ZNF804A: variants seen among roughly 807,000 people sequenced by gnomAD.
ZNF804A encodes zinc finger protein 804A.
In ZNF804A, 2 loss-of-function variants were observed where a neutral mutation model predicts 16.5. The ratio of observed to expected loss-of-function variants is 0.12; its 90% CI spans 0.05 to 0.38. ZNF804A has a LOEUF of 0.38. ZNF804A is among the 10% of genes least tolerant of loss of function. The pLI is 0.99. For synonymous variants in ZNF804A, 534 were observed against 489.6 expected, an observed-to-expected ratio of 1.09 and a Z score of -1.20; for missense variants, 1,473 against 1,390.7, an observed-to-expected ratio of 1.06 and a Z score of -0.94.
At position 184,886,936 on chromosome 2, in the gene ZNF804A, T is replaced by A. The variant is rs569027722; in HGVS notation, c.255+20424T>A. Among the ~76,000 whole-genome samples the A allele has an allele frequency of 2.6e-5, 4 of 152,346 alleles. No homozygotes were observed. In the East Asian group the frequency reaches 7.7e-4, roughly 29 times the overall value. On this transcript the variant is annotated intron_variant, in intron 2 of 3. Coordinates refer to ENST00000302277, the MANE Select transcript of ZNF804A (RefSeq NM_194250.2). ...TTCCCCATGGTTTTTGGGATTAACATCAGGTTCTTTGCTACTTAAACAAAT... is the reference window on the plus strand; with the variant it reads ...TTCCCCATGGTTTTTGGGATTAACAACAGGTTCTTTGCTACTTAAACAAAT...
chr2:184,750,563 G>T (rs984188885), intron 1 of ZNF804A, among the ~76,000 whole-genome samples: 9 of 151,140 alleles, frequency 6.0e-5, no homozygotes, highest in African/African-American at 2.2e-4. Context: ...TATACAACTT[G>T]GTGAGTTTGG....
chr2:184,613,370 A>T (rs1691269207), intron 1 of ZNF804A, among the ~76,000 whole-genome samples: 2 of 152,290 alleles, frequency 1.3e-5, no homozygotes, highest in South Asian at 4.1e-4. Flanking sequence ...GCCTGTCTGA[A>T]TGTTTGTTTC....
chr2:184,622,391 TA>T (rs11364093), intron 1 of ZNF804A, among the ~76,000 whole-genome samples: 85,084 of 151,448 alleles, frequency 0.56, 24,917 homozygotes, highest in African/African-American at 0.69. Context: ...AATTTGAACT[TA>T]ACAATGTTCT....
chr2:184,775,541 C>A (rs1207314428), intron 1 of ZNF804A, among the ~76,000 whole-genome samples: 2 of 151,768 alleles, frequency 1.3e-5, no homozygotes, highest in African/African-American at 4.8e-5. Flanking sequence ...ACATGAATGT[C>A]ATATCATCAT....
At chr2:184,622,014 A>G (rs1341515151) in intron 1 of ZNF804A, among the ~76,000 whole-genome samples, 3 of 151,784 alleles carry the variant, frequency 2.0e-5, no homozygotes, top group East Asian at 1.9e-4. Context: ...ACTGTTCTGT[A>G]TACATTTCCA....
intron 1 of ZNF804A, among the ~76,000 whole-genome samples, chr2:184,761,697 C>G (rs1182891852): frequency 6.6e-6 from 1 of 152,002 alleles, no homozygotes; most frequent in East Asian, 1.9e-4. Context: ...CAGATATCAC[C>G]ACAGATGTGC....
chr2:184,813,553 CA>C (rs1165281113), intron 1 of ZNF804A, among the ~76,000 whole-genome samples: 3 of 152,020 alleles, frequency 2.0e-5, no homozygotes, highest in African/African-American at 4.8e-5. Flanking sequence ...GTAACAGTAT[CA>C]GGGGCAGAAT....
chr2:184,725,423 A>G (rs1405605602), intron 1 of ZNF804A, among the ~76,000 whole-genome samples: 1 of 151,776 alleles, frequency 6.6e-6, no homozygotes, highest in Non-Finnish European at 1.5e-5. Context: ...ATATAAAATA[A>G]TATGACTCTA....
intron 1 of ZNF804A, among the ~76,000 whole-genome samples, chr2:184,632,009 A>G (rs2105687188): frequency 6.6e-6 from 1 of 152,302 alleles, no homozygotes; most frequent in Admixed American, 6.5e-5. Context: ...AAATATAGAT[A>G]CAAACACTCA....
At chr2:184,679,674 C>A (rs1692505103) in intron 1 of ZNF804A, among the ~76,000 whole-genome samples, 1 of 152,196 alleles carries the variant, frequency 6.6e-6, no homozygotes. Context: ...AGTGTGCACT[C>A]ACTTGGGGCA....
chr2:184,824,818 C>A (rs781511432), intron 1 of ZNF804A, among the ~76,000 whole-genome samples: 1 of 152,064 alleles, frequency 6.6e-6, no homozygotes, highest in Non-Finnish European at 1.5e-5. Context: ...CTGGGACTGG[C>A]AGCCAGGACT....
Position 184,937,393 on chromosome 2 carries a change from C to A in ZNF804A, c.1997C>A (p.Ser666Tyr). 4 of 1,613,238 alleles carry A rather than the reference C, an allele frequency of 2.5e-6. No homozygotes were observed. Among genetic ancestry groups the A allele is most frequent in the South Asian group, 1.1e-5 (1 of 91,030 alleles). ...AAAAGGCCCAAATCAGAATCCATAT[C>A]CTTAAGTGACAATGAAGAAATGTGT... The part of the protein sequence containing the change: ...LDKRPKSESI[S>Y]LSDNEEMCKT... Residue 666 changes from serine to tyrosine, a missense_variant, in exon 4 of 4, where the codon TCC becomes TAC. Transcript: ENST00000302277.
intron 1 of ZNF804A, among the ~76,000 whole-genome samples, chr2:184,775,160 T>C (rs143175987): frequency 9.3e-4 from 141 of 151,870 alleles, no homozygotes; most frequent in African/African-American, 3.3e-3. Context: ...ATTTCCTCAA[T>C]AGTCTTTAAA....
chr2:184,910,973 T>C lies in ZNF804A; in HGVS notation c.256-22630T>C, dbSNP rs1685346855. 2.0e-5 allele frequency among the ~76,000 whole-genome samples: 3 copies of C among 152,082 alleles called. No homozygotes were observed. In the South Asian group the frequency reaches 6.2e-4, roughly 31 times the overall value. ...TTTCTTTTGATGTGCAGAAGCTCTTTATTTTAATTAGGTCCACTTGTCAAT... is the reference window on the plus strand; with the variant it reads ...TTTCTTTTGATGTGCAGAAGCTCTTCATTTTAATTAGGTCCACTTGTCAAT... On this transcript the variant is annotated intron_variant, in intron 2 of 3. Transcript: ENST00000302277.
At chr2:184,892,091 T>C (rs1006137196) in intron 2 of ZNF804A, among the ~76,000 whole-genome samples, 2 of 152,200 alleles carry the variant, frequency 1.3e-5, no homozygotes, top group Non-Finnish European at 2.9e-5. Flanking sequence ...GGAACTTGCC[T>C]TACTTCTCTT....
intron 1 of ZNF804A, among the ~76,000 whole-genome samples, chr2:184,673,073 T>C (rs1414536027): frequency 2.9e-5 from 4 of 135,844 alleles, no homozygotes; most frequent in Non-Finnish European, 6.4e-5. Flanking sequence ...AAAAAAAAGA[T>C]GAAGGAAAGA....
chr2:184,773,336 A>G (rs573349044), intron 1 of ZNF804A, among the ~76,000 whole-genome samples: 2 of 151,954 alleles, frequency 1.3e-5, no homozygotes, highest in Admixed American at 1.3e-4. Flanking sequence ...CTGTGAAAAT[A>G]GAATAATGCA....
intron 1 of ZNF804A, among the ~76,000 whole-genome samples, chr2:184,734,673 C>A (rs770994043): frequency 1.2e-4 from 18 of 152,068 alleles, no homozygotes; most frequent in Non-Finnish European, 2.5e-4. Flanking sequence ...TATAGATGTT[C>A]ATTTTATTTA....
chr2:184,744,767 TTAAA>T (rs1693762416), intron 1 of ZNF804A, among the ~76,000 whole-genome samples: 1 of 151,930 alleles, frequency 6.6e-6, no homozygotes, highest in Admixed American at 6.6e-5. Context: ...TACAAGAGAA[TTAAA>T]TAACTCCAAA....
Sources: gnomAD v4.1 joint callset for allele counts (sites outside exome capture counted in the v4.1 genomes callset) on GRCh38, gnomAD v4.1.1 for gene constraint, MANE v1.5 for transcripts, NCBI Gene and HGNC (gene_info 2026-07-23, HGNC 2026-07-21) for gene names.